DCLK1: variants seen among roughly 807,000 people sequenced by gnomAD.
DCLK1 encodes doublecortin like kinase 1.
DCLK1 carries 16 observed loss-of-function variants against 86.2 expected under a neutral mutation model. That is an observed-to-expected ratio of 0.19 (90% CI 0.13 to 0.28). The LOEUF is 0.28. DCLK1 is among the 10% of genes least tolerant of loss of function. The pLI is 1.00. For synonymous variants in DCLK1, 369 were observed against 370.5 expected, an observed-to-expected ratio of 1.00 and a Z score of 0.05; for missense variants, 590 against 940.2, an observed-to-expected ratio of 0.63 and a Z score of 4.87.
chr13:35,989,914 T>A (rs1880145220), intron 3 of DCLK1, among the ~76,000 whole-genome samples: 1 of 152,132 alleles, frequency 6.6e-6, no homozygotes, highest in African/African-American at 2.4e-5. Context: ...TATTTAATTT[T>A]AAAAAATAAC....
intron 4 of DCLK1, among the ~76,000 whole-genome samples, chr13:35,881,375 G>A (rs2153116583): frequency 6.6e-6 from 1 of 152,252 alleles, no homozygotes; most frequent in Non-Finnish European, 1.5e-5. Context: ...TGGTTAGCTT[G>A]CCTACATCTT....
intron 15 of DCLK1, among the ~76,000 whole-genome samples, chr13:35,802,757 T>C (rs748688026): frequency 5.9e-5 from 9 of 152,092 alleles, no homozygotes; most frequent in Admixed American, 3.3e-4. Flanking sequence ...TTAAGCATCA[T>C]TAAAAAAAAG....
chr13:36,089,833 A>T (rs1237455283), intron 3 of DCLK1, among the ~76,000 whole-genome samples: 1 of 152,218 alleles, frequency 6.6e-6, no homozygotes, highest in Non-Finnish European at 1.5e-5. Flanking sequence ...CGAAGTGTTG[A>T]TGGCACTTTG....
chr13:35,959,793 G>T (rs1305641461), intron 3 of DCLK1, among the ~76,000 whole-genome samples: 1 of 151,752 alleles, frequency 6.6e-6, no homozygotes, highest in Non-Finnish European at 1.5e-5. Context: ...GCAGGGTAGG[G>T]CACAATCAAG....
At chr13:36,079,740 TA>T (rs201004608) in intron 3 of DCLK1, among the ~76,000 whole-genome samples, 1 of 151,576 alleles carries the variant, frequency 6.6e-6, no homozygotes, top group East Asian at 1.9e-4. Context: ...TGCTACAATT[TA>T]AAAAAAAATT....
intron 3 of DCLK1, among the ~76,000 whole-genome samples, chr13:35,994,760 A>G (rs1880400307): frequency 6.6e-6 from 1 of 152,242 alleles, no homozygotes; most frequent in South Asian, 2.1e-4. Context: ...GGCATGGAAC[A>G]TGAACTTCTG....
At chr13:35,907,598 A>G (rs1014859622) in intron 4 of DCLK1, among the ~76,000 whole-genome samples, 3 of 152,084 alleles carry the variant, frequency 2.0e-5, no homozygotes, top group Non-Finnish European at 4.4e-5. Context: ...ATTTGTTTCT[A>G]TGTTTTCTTT....
chr13:36,070,798 C>T (rs576736780), intron 3 of DCLK1, among the ~76,000 whole-genome samples: 76 of 152,166 alleles, frequency 5.0e-4, no homozygotes, highest in African/African-American at 1.8e-3. Flanking sequence ...ACTGCCACCA[C>T]GTCCAGCTAA....
chr13:35,900,407 A>T (rs9565650), intron 4 of DCLK1, among the ~76,000 whole-genome samples: 52,135 of 151,672 alleles, frequency 0.34, 9,789 homozygotes, highest in Non-Finnish European at 0.42. Flanking sequence ...CACCCAGCTA[A>T]TTTTTTGTAT....
chr13:35,911,595 G>A (rs375833854), intron 4 of DCLK1, among the ~76,000 whole-genome samples: 23 of 152,086 alleles, frequency 1.5e-4, no homozygotes, highest in African/African-American at 4.8e-4. Flanking sequence ...AGGAGGAGGC[G>A]GACCTCTAGG....
rs530617310 is a variant in DCLK1, at chr13:35,990,273, T to C, written c.724-42816A>G. Among the ~76,000 whole-genome samples the C allele has an allele frequency of 2.6e-5, 4 of 152,314 alleles. No homozygotes were observed. The South Asian group carries it at 8.3e-4, about 32-fold the overall frequency. On this transcript the variant is annotated intron_variant, in intron 3 of 16. Transcript: ENST00000360631. ...CTAAATTTTGTGTGTATTTAAGTCA[T>C]AATTTTTAATACTACACTACGGCTT...
chr13:36,069,570 T>C (rs139757874), intron 3 of DCLK1, among the ~76,000 whole-genome samples: 12 of 152,282 alleles, frequency 7.9e-5, no homozygotes, highest in African/African-American at 2.9e-4. Context: ...CCTATATTCA[T>C]GGTATGTTTC....
chr13:35,793,521 T>A, intron 15 of DCLK1, 42 bp from the exon 16 acceptor site: 1 of 1,471,466 alleles, frequency 6.8e-7, no homozygotes, highest in Admixed American at 2.0e-5. Flanking sequence ...AGAAAGAAAA[T>A]GAGATAAATG....
At chr13:36,127,507 C>T (rs1428432383) in intron 1 of DCLK1, among the ~76,000 whole-genome samples, 1 of 152,278 alleles carries the variant, frequency 6.6e-6, no homozygotes, top group African/African-American at 2.4e-5. Context: ...TTGATTTCCT[C>T]AACCACAAAA....
chr13:36,001,789 G>C (rs569213803), intron 3 of DCLK1, among the ~76,000 whole-genome samples: 1 of 151,220 alleles, frequency 6.6e-6, no homozygotes, highest in East Asian at 1.9e-4. Flanking sequence ...TTTTTTTCTT[G>C]GAAGATGAAA....
chr13:35,911,928 C>G (rs764495668), intron 4 of DCLK1, among the ~76,000 whole-genome samples: 3 of 152,134 alleles, frequency 2.0e-5, no homozygotes, highest in Non-Finnish European at 4.4e-5. Flanking sequence ...GGCCAGGACC[C>G]TTGGCCCTTC....
At position 35,805,793 on chromosome 13, in the gene DCLK1, C is replaced by T. The variant is rs376058161; in HGVS notation, c.1864-14G>A. 1.7e-5 allele frequency: 28 copies of T among 1,608,864 alleles called. No individual in the cohort carries two copies. The highest frequency in any genetic ancestry group is 6.6e-5 in the South Asian group (6 of 90,330). On this transcript the variant is annotated splice_polypyrimidine_tract_variant and intron_variant, in intron 14 of 16. Transcript: ENST00000360631. Reference sequence around the variant, plus strand: ...GGTAATGAGCTCCTGTGAAGGGGAACGTTAGAGTCCATTTATCTGAATTTA... The same window carrying T: ...GGTAATGAGCTCCTGTGAAGGGGAATGTTAGAGTCCATTTATCTGAATTTA...
chr13:36,112,997 C>A (rs1007541896), intron 2 of DCLK1, among the ~76,000 whole-genome samples: 2 of 152,094 alleles, frequency 1.3e-5, no homozygotes, highest in African/African-American at 4.8e-5. Flanking sequence ...AACCAAGAGA[C>A]AACAAATTGT....
At chr13:36,011,682 G>A (rs1476794684) in intron 3 of DCLK1, among the ~76,000 whole-genome samples, 1 of 152,064 alleles carries the variant, frequency 6.6e-6, no homozygotes, top group Non-Finnish European at 1.5e-5. Context: ...ATGGTGTGGT[G>A]CTGAAAAAAA....
Sources: allele counts gnomAD v4.1 joint callset (sites outside exome capture counted in the v4.1 genomes callset), GRCh38; gene constraint gnomAD v4.1.1; transcripts MANE v1.5; gene names NCBI Gene and HGNC (gene_info 2026-07-23, HGNC 2026-07-21).